MAP2K5: variants seen among roughly 807,000 people sequenced by gnomAD.
MAP2K5 encodes the protein dual specificity mitogen-activated protein kinase kinase 5.
MAP2K5 carries 49 observed loss-of-function variants against 83.1 expected under a neutral mutation model. The ratio of observed to expected loss-of-function variants is 0.59; its 90% CI spans 0.47 to 0.75. The LOEUF (loss-of-function observed/expected upper bound fraction) is 0.75, where lower values mean the gene tolerates loss of function less well. MAP2K5 is among the 30% of genes least tolerant of loss of function. The pLI, the probability that MAP2K5 is intolerant of heterozygous loss-of-function variation, is 0.00. For synonymous variants in MAP2K5, 202 were observed against 191.8 expected (o/e 1.05, Z -0.44); for missense variants, 457 against 557.5 (o/e 0.82, Z 1.82).
chr15:67,591,518 G>A (rs964009098), intron 6 of MAP2K5, among the ~76,000 whole-genome samples: 8 of 150,846 alleles, frequency 5.3e-5, no homozygotes, highest in South Asian at 2.1e-4. Flanking sequence ...TACAGGCGCC[G>A]GCCACCACAC....
intron 20 of MAP2K5, among the ~76,000 whole-genome samples, chr15:67,772,164 T>C (rs2090154273): frequency 6.6e-6 from 1 of 152,236 alleles, no homozygotes; most frequent in Admixed American, 6.5e-5. Context: ...AGATAATCTA[T>C]AGCAACACAC....
chr15:67,707,901 A>G (rs369673690), intron 16 of MAP2K5, among the ~76,000 whole-genome samples: 1 of 152,180 alleles, frequency 6.6e-6, no homozygotes, highest in Admixed American at 6.5e-5. Flanking sequence ...TTTTGTGTGC[A>G]TGCCTTCTTC....
At chr15:67,595,906 G>T (rs1398765621) in intron 7 of MAP2K5, among the ~76,000 whole-genome samples, 1 of 151,738 alleles carries the variant, frequency 6.6e-6, no homozygotes, top group Non-Finnish European at 1.5e-5. Flanking sequence ...TCAATTTGAA[G>T]AATTTAAAAA....
chr15:67,635,627 C>A (rs1414958753), intron 9 of MAP2K5, among the ~76,000 whole-genome samples: 2 of 152,016 alleles, frequency 1.3e-5, no homozygotes, highest in Non-Finnish European at 2.9e-5. Context: ...TGACTTCTTC[C>A]TTTACATTTC....
rs922556637 is a variant in MAP2K5 at position 67,749,189 on chromosome 15, A to T, written c.1134+588A>T. On this transcript the variant is annotated intron_variant, in intron 19 of 21. Coordinates refer to ENST00000178640, the MANE Select transcript of MAP2K5 (RefSeq NM_145160.3). The surrounding 1 kb of genome is among the most constrained non-coding windows in gnomAD (Gnocchi z 4.6). Reference sequence around the variant, plus strand: ...ATTGAGCTTACTTCTGATCATCCTTATCCATTGAATTCCACTGTTCCTTTG... The same window carrying T: ...ATTGAGCTTACTTCTGATCATCCTTTTCCATTGAATTCCACTGTTCCTTTG... 6.6e-6 allele frequency among the ~76,000 whole-genome samples: 1 copy of T among 152,136 alleles called. No individual in the cohort carries two copies. Among genetic ancestry groups the T allele is most frequent in the Non-Finnish European group, 1.5e-5 (1 of 68,028 alleles).
chr15:67,658,585 G>C lies in MAP2K5; in HGVS notation c.769G>C (p.Glu257Gln). 2 of 1,612,274 alleles carry C rather than the reference G, an allele frequency of 1.2e-6. No individual in the cohort carries two copies. Among genetic ancestry groups the C allele is most frequent in the Non-Finnish European group, 1.7e-6 (2 of 1,178,770 alleles). ...TTTGGATGTATATAGGAAAATGCCA[G>C]AACATGTCCTTGGAAGAATTGCAGT... ...GSLDVYRKMP[E>Q]HVLGRIAVAV... Residue 257 changes from glutamate (E) to glutamine (Q), a missense_variant, in exon 12 of 22, where the codon GAA becomes CAA. By Grantham distance (29) the Glu-to-Gln change is conservative. Coordinates refer to ENST00000178640, the MANE Select transcript of MAP2K5 (RefSeq NM_145160.3).
Position 67,739,456 on chromosome 15 carries a change from ATATATATTTTTTTTTTTTTTTTTTT to A in MAP2K5, c.1075-8773_1075-8749del, listed in dbSNP as rs1297168343. On this transcript the variant is annotated intron_variant, in intron 17 of 21. Coordinates refer to ENST00000178640, the MANE Select transcript of MAP2K5 (RefSeq NM_145160.3). ...TATATATATATATATATATATATAT[ATATATATTTTTTTTTTTTTTTTTTT>A]TTTTTTTTTTTTTTTTTGAGATGGA... Among the ~76,000 whole-genome samples, 13 of 17,162 alleles carry A rather than the reference ATATATATTTTTTTTTTTTTTTTTTT, an allele frequency of 7.6e-4. No individual in the cohort carries two copies. In the East Asian group the frequency reaches 0.023, roughly 30 times the overall value. The allele number at this position is 17,162 out of a possible 152,430, so 11.3% of individuals were successfully genotyped here.
chr15:67,625,973 G>A (rs1469275471), intron 8 of MAP2K5, among the ~76,000 whole-genome samples: 2 of 152,128 alleles, frequency 1.3e-5, no homozygotes, highest in Non-Finnish European at 2.9e-5. Context: ...TATCGCTGCT[G>A]CTGGTCTCAA....
intron 8 of MAP2K5, among the ~76,000 whole-genome samples, chr15:67,611,339 AT>A: frequency 6.6e-6 from 1 of 152,154 alleles, no homozygotes. Context: ...TGTGTACACC[AT>A]TTGTTTCTCC....
At chr15:67,706,708 C>G (rs1180501752) in intron 16 of MAP2K5, among the ~76,000 whole-genome samples, 1 of 152,098 alleles carries the variant, frequency 6.6e-6, no homozygotes, top group Non-Finnish European at 1.5e-5. Flanking sequence ...GGGCTTATTA[C>G]CCCCACACAA....
chr15:67,623,388 A>G (rs767279511), intron 8 of MAP2K5, among the ~76,000 whole-genome samples: 5 of 152,190 alleles, frequency 3.3e-5, no homozygotes, highest in East Asian at 1.9e-4. Context: ...AGTTGGTTCA[A>G]CATGAAGTAA....
At chr15:67,714,883 G>C (rs1297903311) in intron 16 of MAP2K5, among the ~76,000 whole-genome samples, 1 of 152,146 alleles carries the variant, frequency 6.6e-6, no homozygotes, top group Non-Finnish European at 1.5e-5. Flanking sequence ...GCCAATATCT[G>C]AAATATTTCT....
intron 16 of MAP2K5, among the ~76,000 whole-genome samples, chr15:67,704,263 T>G (rs1266943011): frequency 6.6e-6 from 1 of 152,216 alleles, no homozygotes; most frequent in Non-Finnish European, 1.5e-5. Flanking sequence ...TTTCTTTATT[T>G]TTTCTTAATA....
At position 67,668,055 on chromosome 15, in the gene MAP2K5, G is replaced by A. The variant is rs181027273; in HGVS notation, c.847+3410G>A. 6.6e-6 allele frequency among the ~76,000 whole-genome samples: 1 copy of A among 152,180 alleles called. No individual in the cohort carries two copies. ...TTGTTTTGGAAATTGAAGCACAGCA[G>A]TTGCTATTCATAATGGATCATCAAA... On this transcript the variant is annotated intron_variant, in intron 13 of 21. Transcript: ENST00000178640. The surrounding 1 kb of genome is among the most constrained non-coding windows in gnomAD (Gnocchi z 4.0).
At chr15:67,761,669 C>A (rs1019272360) in intron 19 of MAP2K5, among the ~76,000 whole-genome samples, 4 of 152,176 alleles carry the variant, frequency 2.6e-5, no homozygotes, top group Non-Finnish European at 5.9e-5. Context: ...GGACACGGAC[C>A]TGCCAGGTTC....
At chr15:67,571,488 T>G (rs76234783) in intron 3 of MAP2K5, among the ~76,000 whole-genome samples, 2,646 of 152,312 alleles carry the variant, frequency 0.017, 83 homozygotes, top group African/African-American at 0.059. Context: ...TGTCCAGATA[T>G]CTCAGTCGCC....
intron 11 of MAP2K5, among the ~76,000 whole-genome samples, chr15:67,648,262 TG>T (rs1433227877): frequency 6.6e-6 from 1 of 152,198 alleles, no homozygotes; most frequent in Non-Finnish European, 1.5e-5. Flanking sequence ...TGGCAACCAC[TG>T]ATTTATCTTC....
In MAP2K5 at chr15:67,668,330, A is replaced by G. The variant is rs2087439247; in HGVS notation, c.847+3685A>G. 4.6e-5 allele frequency among the ~76,000 whole-genome samples: 7 copies of G among 152,190 alleles called. No homozygotes were observed. Among genetic ancestry groups the G allele is most frequent in the Admixed American group, 4.6e-4 (7 of 15,266 alleles). ...AAATCTTTTCTCTAAAATAAACCAA[A>G]CGTGTGATAATTCCACATGAGGACA... On this transcript the variant is annotated intron_variant, in intron 13 of 21. Coordinates refer to ENST00000178640, the MANE Select transcript of MAP2K5 (RefSeq NM_145160.3). This position sits in a 1 kb window ranked among gnomAD's most constrained non-coding sequence, Gnocchi z 4.0.
rs1184834336 is a variant in MAP2K5, at chr15:67,708,558, G to C, written c.1044+5150G>C. On this transcript the variant is annotated intron_variant, in intron 16 of 21. Coordinates refer to ENST00000178640, the MANE Select transcript of MAP2K5 (RefSeq NM_145160.3). This position sits in a 1 kb window ranked among gnomAD's most constrained non-coding sequence, Gnocchi z 4.9. ...TGCCCAGTGTTGCCTCGAATTCCTG[G>C]GGTCAAGTGATCCTCCTGCCTCAGC... 2.0e-5 allele frequency among the ~76,000 whole-genome samples: 3 copies of C among 151,872 alleles called. No homozygotes were observed. The highest frequency in any genetic ancestry group is 4.4e-5 in the Non-Finnish European group (3 of 67,972).
Sources: gnomAD v4.1 joint callset for allele counts (sites outside exome capture counted in the v4.1 genomes callset) on GRCh38, gnomAD v4.1.1 for gene constraint, Gnocchi (gnomAD v3.1) non-coding constraint, MANE v1.5 for transcripts, NCBI Gene and HGNC (gene_info 2026-07-23, HGNC 2026-07-21) for gene names.